Variants in FHIT observed in about 807,000 individuals in gnomAD.
FHIT encodes fragile histidine triad diadenosine triphosphatase.
Under a neutral mutation model 17.9 loss-of-function variants are expected in FHIT, and 19 were observed. That is an observed-to-expected ratio of 1.06 (90% CI 0.74 to 1.56). FHIT has a LOEUF of 1.56. Among genes scored for constraint, FHIT ranks in the 40% most tolerant of loss-of-function variants. The pLI is 0.00. For missense variants in FHIT, 248 were observed against 189.2 expected, an observed-to-expected ratio of 1.31 and a Z score of -1.82; for synonymous variants, 81 against 69.7, an observed-to-expected ratio of 1.16 and a Z score of -0.81.
Position 60,720,879 on chromosome 3 carries a change from G to A in FHIT, c.-18+101040C>T, listed in dbSNP as rs1030423740. On this transcript the variant is annotated intron_variant, in intron 4 of 9. Coordinates refer to ENST00000492590, the MANE Select transcript of FHIT (RefSeq NM_002012.4). ...AAAATCTAGCAATTCATTTCCCCTGGCTCCTTGACAGCAGCCAGATGGTGG... is the reference window on the plus strand; with the variant it reads ...AAAATCTAGCAATTCATTTCCCCTGACTCCTTGACAGCAGCCAGATGGTGG... Among the ~76,000 whole-genome samples, 5 of 152,236 alleles carry A rather than the reference G, an allele frequency of 3.3e-5. No individual in the cohort carries two copies. In the South Asian group the frequency reaches 1.0e-3, roughly 32 times the overall value.
At chr3:61,175,142 C>G (rs920642019) in intron 2 of FHIT, among the ~76,000 whole-genome samples, 1 of 152,052 alleles carries the variant, frequency 6.6e-6, no homozygotes, top group African/African-American at 2.4e-5. Flanking sequence ...AGCAGAAATG[C>G]ATATAAATAC....
chr3:61,021,467 C>T (rs576099370), intron 3 of FHIT, among the ~76,000 whole-genome samples: 2,934 of 142,760 alleles, frequency 0.021, 71 homozygotes, highest in African/African-American at 0.047. Flanking sequence ...GGCGTAGCGG[C>T]GGGCGCCTGT....
intron 5 of FHIT, among the ~76,000 whole-genome samples, chr3:60,306,165 G>T (rs757778346): frequency 1.3e-5 from 2 of 152,094 alleles, no homozygotes; most frequent in Non-Finnish European, 2.9e-5. Flanking sequence ...ACAAATAGGA[G>T]AATTTTATTA....
At chr3:61,231,012 G>C (rs1327485353) in intron 1 of FHIT, among the ~76,000 whole-genome samples, 1 of 152,066 alleles carries the variant, frequency 6.6e-6, no homozygotes, top group Non-Finnish European at 1.5e-5. Flanking sequence ...AAATCATATA[G>C]AACTAAATGT....
intron 8 of FHIT, among the ~76,000 whole-genome samples, chr3:59,908,285 G>A (rs1274857411): frequency 6.6e-6 from 1 of 152,190 alleles, no homozygotes; most frequent in African/African-American, 2.4e-5. Context: ...AGAGAATAAT[G>A]AAGGACTATA....
chr3:60,327,015 A>G (rs929596551), intron 5 of FHIT, among the ~76,000 whole-genome samples: 6 of 152,184 alleles, frequency 3.9e-5, no homozygotes, highest in Admixed American at 3.9e-4. Context: ...GAATGCCAGG[A>G]AAATGAGGAT....
At chr3:59,947,677 G>A (rs13066659) in intron 7 of FHIT, among the ~76,000 whole-genome samples, 1 of 152,090 alleles carries the variant, frequency 6.6e-6, no homozygotes, top group Non-Finnish European at 1.5e-5. Flanking sequence ...CCCCAGCTTT[G>A]TTCTCTGCCC....
At chr3:60,824,740 C>G (rs1202195606) in intron 3 of FHIT, among the ~76,000 whole-genome samples, 1 of 152,170 alleles carries the variant, frequency 6.6e-6, no homozygotes, top group East Asian at 1.9e-4. Flanking sequence ...GAATAAGTCT[C>G]GAGAGATCTG....
intron 3 of FHIT, among the ~76,000 whole-genome samples, chr3:60,964,801 T>C (rs1199409277): frequency 6.6e-6 from 1 of 152,210 alleles, no homozygotes; most frequent in Non-Finnish European, 1.5e-5. Context: ...AAGAGATCTG[T>C]TGTTAGTCTG....
At chr3:60,477,073 A>G (rs2033383208) in intron 5 of FHIT, among the ~76,000 whole-genome samples, 1 of 152,124 alleles carries the variant, frequency 6.6e-6, no homozygotes, top group Non-Finnish European at 1.5e-5. Context: ...GCAAAGTATT[A>G]TAATATCATA....
chr3:61,211,063 C>A (rs1004850226), intron 1 of FHIT, among the ~76,000 whole-genome samples: 1 of 151,940 alleles, frequency 6.6e-6, no homozygotes, highest in Non-Finnish European at 1.5e-5. Flanking sequence ...TCTACAGCTC[C>A]CAGCATGAGC....
At chr3:60,568,440 C>T (rs1402624418) in intron 4 of FHIT, among the ~76,000 whole-genome samples, 1 of 151,160 alleles carries the variant, frequency 6.6e-6, no homozygotes, top group East Asian at 1.9e-4. Flanking sequence ...GGGAACATCA[C>T]ACACCAGGGC....
chr3:60,119,176 T>C (rs1300641437), intron 5 of FHIT, among the ~76,000 whole-genome samples: 1 of 151,800 alleles, frequency 6.6e-6, no homozygotes, highest in African/African-American at 2.4e-5. Context: ...CAGGTTCAAG[T>C]GATTCTCCTG....
chr3:60,067,278 C>T (rs1702557347), intron 5 of FHIT, among the ~76,000 whole-genome samples: 1 of 152,048 alleles, frequency 6.6e-6, no homozygotes, highest in East Asian at 1.9e-4. Flanking sequence ...ATCTGAAGAC[C>T]TAGCACTATG....
chr3:60,430,983 G>T (rs1053746029), intron 5 of FHIT, among the ~76,000 whole-genome samples: 3 of 152,016 alleles, frequency 2.0e-5, no homozygotes, highest in African/African-American at 7.2e-5. Context: ...AGGCCAAAGT[G>T]GGCAGATTAC....
chr3:59,811,237 A>T (rs547068310), intron 8 of FHIT, among the ~76,000 whole-genome samples: 1 of 152,360 alleles, frequency 6.6e-6, no homozygotes, highest in East Asian at 1.9e-4. Flanking sequence ...ATGCAGAGGC[A>T]ATGGCAGTGG....
intron 4 of FHIT, among the ~76,000 whole-genome samples, chr3:60,795,097 G>T (rs73107616): frequency 0.05 from 7,644 of 152,170 alleles, 197 homozygotes; most frequent in South Asian, 0.085. Flanking sequence ...TAGACACAAT[G>T]CTCTGCATCT....
chr3:60,976,593 G>C (rs1305602781), intron 3 of FHIT, among the ~76,000 whole-genome samples: 1 of 152,110 alleles, frequency 6.6e-6, no homozygotes, highest in African/African-American at 2.4e-5. Context: ...GTTTTACCTG[G>C]TGGTATCAAC....
At chr3:60,955,809 G>A (rs1457929075) in intron 3 of FHIT, among the ~76,000 whole-genome samples, 1 of 151,776 alleles carries the variant, frequency 6.6e-6, no homozygotes, top group Non-Finnish European at 1.5e-5. Context: ...AGATGGTAAT[G>A]TTACAGTTCT....
Sources: allele counts gnomAD v4.1 joint callset (sites outside exome capture counted in the v4.1 genomes callset), GRCh38; gene constraint gnomAD v4.1.1; transcripts MANE v1.5; gene names NCBI Gene and HGNC (gene_info 2026-07-23, HGNC 2026-07-21).